The following SH3RF1 variants were observed in gnomAD, a reference collection of about 807,000 sequenced individuals.
SH3RF1 encodes the protein SH3 domain containing ring finger 1, also known as E3 ubiquitin-protein ligase SH3RF1.
Under a neutral mutation model 74.0 loss-of-function variants are expected in SH3RF1, and 32 were observed. The observed-to-expected ratio is 0.43, with a 90% confidence interval of 0.33 to 0.58. The LOEUF is 0.58. Ranked by LOEUF, SH3RF1 falls within the 20% of genes least tolerant of loss-of-function variation. SH3RF1 has a pLI of 0.05. For synonymous variants in SH3RF1, 396 were observed against 439.6 expected (o/e 0.90, Z 1.24); for missense variants, 954 against 1,130.9 (o/e 0.84, Z 2.24).
intron 2 of SH3RF1, among the ~76,000 whole-genome samples, chr4:169,163,102 GAA>G (rs59698056): frequency 1.1e-4 from 16 of 147,118 alleles, no homozygotes; most frequent in African/African-American, 3.3e-4. Flanking sequence ...TAGAGGGAGA[GAA>G]AAAAAAAAAC....
intron 2 of SH3RF1, among the ~76,000 whole-genome samples, chr4:169,182,636 C>T (rs755048935): frequency 2.6e-5 from 4 of 152,108 alleles, no homozygotes; most frequent in Admixed American, 6.5e-5. Flanking sequence ...AAAAGGCTTA[C>T]GGGAAATATG....
intron 2 of SH3RF1, among the ~76,000 whole-genome samples, chr4:169,228,502 G>C (rs1365805595): frequency 6.6e-6 from 1 of 152,154 alleles, no homozygotes; most frequent in Non-Finnish European, 1.5e-5. Flanking sequence ...ACAGGAGGTT[G>C]AGTTCCTCAT....
intron 2 of SH3RF1, among the ~76,000 whole-genome samples, chr4:169,203,784 T>A (rs532842900): frequency 2.9e-4 from 44 of 152,310 alleles, no homozygotes; most frequent in Admixed American, 1.1e-3. Flanking sequence ...TTCTCTTCCA[T>A]ACTCCCTACA....
intron 2 of SH3RF1, among the ~76,000 whole-genome samples, chr4:169,229,915 A>C (rs905818911): frequency 6.6e-6 from 1 of 152,200 alleles, no homozygotes; most frequent in Non-Finnish European, 1.5e-5. Flanking sequence ...CCTTTAAAAA[A>C]CAATGCTTGG....
At chr4:169,213,807 CA>C (rs963955934) in intron 2 of SH3RF1, among the ~76,000 whole-genome samples, 42 of 152,220 alleles carry the variant, frequency 2.8e-4, no homozygotes, top group Non-Finnish European at 1.8e-4. Context: ...GCTCCTTTGA[CA>C]AAAGGTCACT....
intron 11 of SH3RF1, among the ~76,000 whole-genome samples, chr4:169,097,840 C>T (rs1579080042): frequency 6.6e-6 from 1 of 152,174 alleles, no homozygotes. Flanking sequence ...ATTATGGCTT[C>T]CACTTTACTT....
At chr4:169,270,258 A>G (rs1317047612) in intron 1 of SH3RF1, among the ~76,000 whole-genome samples, 2 of 152,140 alleles carry the variant, frequency 1.3e-5, no homozygotes. Flanking sequence ...CGCCAAGCAC[A>G]GGTACTCCCA....
In SH3RF1 at chr4:169,096,323, C is replaced by T. The variant is rs1732928475; in HGVS notation, c.*196G>A. ...AAGGCACACCTTATACATCCGAATC[C>T]AGACTAACAAAACCCACACAAACAT... On this transcript the variant is annotated 3_prime_UTR_variant, in exon 12 of 12. Coordinates refer to ENST00000284637, the MANE Select transcript of SH3RF1 (RefSeq NM_020870.4). 1 of 586,394 alleles carries T rather than the reference C, an allele frequency of 1.7e-6. No homozygotes were observed. Among genetic ancestry groups the T allele is most frequent in the African/African-American group, 1.9e-5 (1 of 53,318 alleles). The allele number at this position is 586,394 out of a possible 1,614,324, so 36.3% of individuals were successfully genotyped here. A position where few individuals can be genotyped will look rare whatever the true frequency, so the allele number is the denominator to read the frequency against.
At chr4:169,222,562 A>T (rs917046410) in intron 2 of SH3RF1, among the ~76,000 whole-genome samples, 1 of 150,656 alleles carries the variant, frequency 6.6e-6, no homozygotes, top group African/African-American at 2.4e-5. Flanking sequence ...ACAACTTCCT[A>T]AGAGGAATTT....
intron 5 of SH3RF1, among the ~76,000 whole-genome samples, chr4:169,134,403 T>C (rs1017705994): frequency 2.0e-5 from 3 of 152,228 alleles, no homozygotes; most frequent in Non-Finnish European, 4.4e-5. Context: ...GCTCAGTATA[T>C]CTTCTTTTCT....
chr4:169,209,665 CAT>C (rs1491120606), intron 2 of SH3RF1, among the ~76,000 whole-genome samples: 5 of 152,296 alleles, frequency 3.3e-5, no homozygotes, highest in South Asian at 2.1e-4. Flanking sequence ...CACACTGTGA[CAT>C]AAATATACTC....
chr4:169,246,797 A>T (rs1267759483), intron 2 of SH3RF1, among the ~76,000 whole-genome samples: 1 of 152,252 alleles, frequency 6.6e-6, no homozygotes, highest in African/African-American at 2.4e-5. Flanking sequence ...TCATTTAACT[A>T]GCAATTATTT....
intron 8 of SH3RF1, among the ~76,000 whole-genome samples, chr4:169,118,261 T>A (rs1733370659): frequency 6.6e-6 from 1 of 152,164 alleles, no homozygotes; most frequent in African/African-American, 2.4e-5. Flanking sequence ...CTCTCCGTCT[T>A]CTCTTGACAT....
rs568138995 is a variant in SH3RF1 at position 169,210,208 on chromosome 4, T to C, written c.394-53529A>G. On this transcript the variant is annotated intron_variant, in intron 2 of 11. Coordinates refer to ENST00000284637, the MANE Select transcript of SH3RF1 (RefSeq NM_020870.4). ...CTCCATCTGGAGTCTTTCTGCTATT[T>C]TACCCTTCTCTCCTCTTGCCCTTCC... Among the ~76,000 whole-genome samples, 3 of 152,336 alleles carry C rather than the reference T, an allele frequency of 2.0e-5. No homozygotes were observed. The South Asian group carries it at 6.2e-4, about 32-fold the overall frequency.
chr4:169,237,861 A>G (rs2127011046), intron 2 of SH3RF1, among the ~76,000 whole-genome samples: 1 of 152,192 alleles, frequency 6.6e-6, no homozygotes, highest in Admixed American at 6.5e-5. Flanking sequence ...TGCTAAATCA[A>G]TTTATGATTT....
At chr4:169,155,667 G>A in intron 3 of SH3RF1, 92 bp from the exon 4 acceptor site, 1 of 876,038 alleles carries the variant, frequency 1.1e-6, no homozygotes, top group Non-Finnish European at 1.9e-6. Flanking sequence ...AGAGACTCAT[G>A]TTTTAAAGAG....
chr4:169,241,844 A>C (rs1730916322), intron 2 of SH3RF1, among the ~76,000 whole-genome samples: 1 of 152,028 alleles, frequency 6.6e-6, no homozygotes. Context: ...CAACCTTGAG[A>C]TTTCCCTCTT....
intron 10 of SH3RF1, among the ~76,000 whole-genome samples, chr4:169,115,729 C>G (rs1733321859): frequency 6.6e-6 from 1 of 152,218 alleles, no homozygotes; most frequent in Non-Finnish European, 1.5e-5. Flanking sequence ...GAAAATCTGT[C>G]TTCAACGAAA....
At chr4:169,215,753 A>T (rs1263791083) in intron 2 of SH3RF1, among the ~76,000 whole-genome samples, 1 of 152,166 alleles carries the variant, frequency 6.6e-6, no homozygotes, top group Non-Finnish European at 1.5e-5. Context: ...TTTGTTTTCT[A>T]ATAGTCAAGT....
Sources: gnomAD v4.1 joint callset for allele counts (sites outside exome capture counted in the v4.1 genomes callset) on GRCh38, gnomAD v4.1.1 for gene constraint, MANE v1.5 for transcripts, NCBI Gene and HGNC (gene_info 2026-07-23, HGNC 2026-07-21) for gene names.